ANKH: variants seen among roughly 807,000 people sequenced by gnomAD.
The protein encoded by ANKH is ANKH inorganic pyrophosphate transport regulator.
Under a neutral mutation model 49.0 loss-of-function variants are expected in ANKH, and 15 were observed. The observed-to-expected ratio is 0.31, with a 90% CI of 0.20 to 0.47. The LOEUF is 0.47. Among genes scored for constraint, ANKH ranks in the 20% least tolerant of loss-of-function variants. The pLI, the probability that ANKH is intolerant of heterozygous loss-of-function variation, is 1.00. For missense variants in ANKH, 429 were observed against 652.0 expected, an observed-to-expected ratio of 0.66 and a Z score of 3.72; for synonymous variants, 273 against 260.0, an observed-to-expected ratio of 1.05 and a Z score of -0.48.
At chr5:14,773,355 T>TTC (rs1238549241) in intron 1 of ANKH, among the ~76,000 whole-genome samples, 1 of 135,818 alleles carries the variant, frequency 7.4e-6, no homozygotes, top group East Asian at 2.0e-4. Context: ...AAAGCATTCT[T>TTC]TTTTTTTTTT....
chr5:14,853,584 T>A (rs562748697), intron 1 of ANKH, among the ~76,000 whole-genome samples: 31 of 152,042 alleles, frequency 2.0e-4, no homozygotes, highest in Non-Finnish European at 3.4e-4. Context: ...CTCAATAAAA[T>A]AAAATAATTT....
chr5:14,834,159 C>T (rs1013237186), intron 1 of ANKH, among the ~76,000 whole-genome samples: 2 of 152,128 alleles, frequency 1.3e-5, no homozygotes, highest in Admixed American at 6.5e-5. Flanking sequence ...AAGAGCTCTA[C>T]CCTTAGACTG....
chr5:14,797,107 A>G, intron 1 of ANKH: 3 of 1,354,042 alleles, frequency 2.2e-6, no homozygotes, highest in Non-Finnish European at 2.1e-6. Flanking sequence ...TAAAATCACA[A>G]GAAGTAAAGA....
chr5:14,756,623 T>C (rs539994240), intron 3 of ANKH, among the ~76,000 whole-genome samples: 9 of 152,372 alleles, frequency 5.9e-5, no homozygotes, highest in African/African-American at 2.2e-4. Flanking sequence ...GCAGGGTCTA[T>C]TCCCCAGGTC....
At chr5:14,716,597 G>A in intron 9 of ANKH, 109 bp downstream of exon 9, 1 of 1,488,186 alleles carries the variant, frequency 6.7e-7, no homozygotes, top group Non-Finnish European at 9.3e-7. Flanking sequence ...CTAAGCCACA[G>A]TGAAATTTTA....
chr5:14,745,513 G>T lies in ANKH; in HGVS notation c.915+357C>A, dbSNP rs1738505317. Among the ~76,000 whole-genome samples, 1 of 152,042 alleles carries T rather than the reference G, an allele frequency of 6.6e-6. No homozygotes were observed. The highest frequency in any genetic ancestry group is 2.4e-5 in the African/African-American group (1 of 41,374). On this transcript the variant is annotated intron_variant, in intron 7 of 11. Coordinates refer to ENST00000284268, the MANE Select transcript of ANKH (RefSeq NM_054027.6). The surrounding 1 kb of genome is among the most constrained non-coding windows in gnomAD (Gnocchi z 4.7). ...CCTACACCTTAGCCATCTGGTATGG[G>T]GTCAGCAAAGCATTCGTTTAAAGAA...
intron 1 of ANKH, among the ~76,000 whole-genome samples, chr5:14,790,812 G>C (rs1245124049): frequency 6.6e-6 from 1 of 152,162 alleles, no homozygotes; most frequent in Admixed American, 6.5e-5. Flanking sequence ...GTTTTGCCAT[G>C]TTGGCCAGGC....
At chr5:14,835,524 G>A (rs1459341309) in intron 1 of ANKH, among the ~76,000 whole-genome samples, 2 of 152,172 alleles carry the variant, frequency 1.3e-5, no homozygotes, top group Admixed American at 6.5e-5. Flanking sequence ...AGAGACTGAG[G>A]GTCCTGTTTC....
At chr5:14,811,157 G>C (rs1318171762) in intron 1 of ANKH, among the ~76,000 whole-genome samples, 2 of 149,370 alleles carry the variant, frequency 1.3e-5, no homozygotes, top group Middle Eastern at 3.2e-3. Flanking sequence ...ACTTTGGCTG[G>C]TAACAAAACA....
At chr5:14,783,299 C>T (rs915355517) in intron 1 of ANKH, among the ~76,000 whole-genome samples, 2 of 147,896 alleles carry the variant, frequency 1.4e-5, no homozygotes, top group African/African-American at 5.0e-5. Flanking sequence ...TACACACACA[C>T]ACACACACAC....
chr5:14,739,762 G>C lies in ANKH; in HGVS notation c.1011+2065C>G, dbSNP rs62344909. The stretch of plus-strand genomic sequence containing the variant: ...GGATACTTGGACAAGTCACTTGTCC[G>C]GTGTGAATCATTTCCTTTTCTGAAA... On this transcript the variant is annotated intron_variant, in intron 8 of 11. Transcript: ENST00000284268. Among the ~76,000 whole-genome samples the C allele has an allele frequency of 7.3e-3, 1,111 of 152,278 alleles. 7 individuals carry two copies. Among genetic ancestry groups the C allele is most frequent in the Non-Finnish European group, 0.012 (820 of 68,018 alleles).
chr5:14,726,675 G>A (rs769367354), intron 8 of ANKH, among the ~76,000 whole-genome samples: 5 of 152,190 alleles, frequency 3.3e-5, no homozygotes, highest in Non-Finnish European at 5.9e-5. Context: ...ATGTTTGCAT[G>A]ACTCAGTACA....
chr5:14,742,025 C>A, intron 7 of ANKH, 103 bp from the exon 8 acceptor site: 1 of 886,776 alleles, frequency 1.1e-6, no homozygotes. Flanking sequence ...TCTGATGTGT[C>A]TGAATTAGAG....
intron 1 of ANKH, among the ~76,000 whole-genome samples, chr5:14,820,320 C>T (rs1741163089): frequency 6.6e-6 from 1 of 152,094 alleles, no homozygotes. Context: ...AGTGCTAATA[C>T]AGGGGCTTTC....
chr5:14,741,994 G>A, intron 7 of ANKH, 72 bp from the exon 8 acceptor site: 1 of 1,160,478 alleles, frequency 8.6e-7, no homozygotes, highest in Non-Finnish European at 1.3e-6. Context: ...GGATCTTGAA[G>A]AGCATCTTGC....
Position 14,710,918 on chromosome 5 carries a change from G to T in ANKH, c.*279C>A. 2.3e-6 allele frequency: 1 copy of T among 428,824 alleles called. No homozygotes were observed. 26.6% of individuals were successfully genotyped at this position (428,824 alleles called of 1,614,324 possible). A position where few individuals can be genotyped will look rare whatever the true frequency, so the allele number is the denominator to read the frequency against. The stretch of plus-strand genomic sequence containing the variant: ...GAGGAGGACACAACGTCAACCGTGA[G>T]GCAGCTGTGTCTTTTGGGTTTTCGT... On this transcript the variant is annotated 3_prime_UTR_variant, in exon 12 of 12. Transcript: ENST00000284268.
chr5:14,763,290 C>T (rs1186200307), intron 2 of ANKH, among the ~76,000 whole-genome samples: 5 of 152,214 alleles, frequency 3.3e-5, no homozygotes, highest in Admixed American at 6.5e-5. Context: ...AGGCTTTTCA[C>T]GGGAGCAGGT....
intron 8 of ANKH, chr5:14,724,462 T>C: frequency 2.6e-6 from 2 of 780,374 alleles, no homozygotes; most frequent in Non-Finnish European, 3.1e-6. Flanking sequence ...ATGAAAAACT[T>C]TGACCACATA....
chr5:14,780,412 A>G (rs30614), intron 1 of ANKH, among the ~76,000 whole-genome samples: 68,035 of 152,004 alleles, frequency 0.45, 15,644 homozygotes, highest in East Asian at 0.73. Flanking sequence ...GCGTGGTGGC[A>G]CATGCCTGTA....
Sources: allele counts gnomAD v4.1 joint callset (sites outside exome capture counted in the v4.1 genomes callset), GRCh38; gene constraint gnomAD v4.1.1; non-coding constraint Gnocchi (gnomAD v3.1); transcripts MANE v1.5; gene names NCBI Gene and HGNC (gene_info 2026-07-23, HGNC 2026-07-21).